Variants in CNTN4 observed in about 807,000 individuals in gnomAD.
CNTN4 encodes contactin 4, also known as contactin-4.
CNTN4 carries 77 observed loss-of-function variants against 122.5 expected under a neutral mutation model. The observed-to-expected ratio is 0.63, with a 90% CI of 0.52 to 0.76. CNTN4 has a LOEUF of 0.76. Ranked by LOEUF, CNTN4 falls within the 30% of genes least tolerant of loss-of-function variation. The probability of loss-of-function intolerance (pLI) is 0.00; values close to 1 mark genes in which losing one functional copy is unlikely to be tolerated. For missense variants in CNTN4, 1,256 were observed against 1,259.1 expected, an observed-to-expected ratio of 1.00 and a Z score of 0.04; for synonymous variants, 512 against 447.0, an observed-to-expected ratio of 1.15 and a Z score of -1.83.
chr3:2,232,884 G>A (rs995183159), intron 2 of CNTN4, among the ~76,000 whole-genome samples: 1 of 152,112 alleles, frequency 6.6e-6, no homozygotes, highest in Non-Finnish European at 1.5e-5. Context: ...ATTATGAGTG[G>A]GAAGTCATAA....
chr3:2,706,728 G>A (rs2086764232), intron 4 of CNTN4, among the ~76,000 whole-genome samples: 1 of 152,092 alleles, frequency 6.6e-6, no homozygotes, highest in African/African-American at 2.4e-5. Flanking sequence ...TAACTTTGCT[G>A]CATGTTTAAA....
At chr3:2,267,789 G>C (rs1286708292) in intron 2 of CNTN4, among the ~76,000 whole-genome samples, 1 of 151,556 alleles carries the variant, frequency 6.6e-6, no homozygotes, top group Non-Finnish European at 1.5e-5. Flanking sequence ...ACACTTTATT[G>C]GTTTTGATTC....
chr3:2,646,257 A>G (rs1349740886), intron 4 of CNTN4, among the ~76,000 whole-genome samples: 2 of 152,208 alleles, frequency 1.3e-5, no homozygotes, highest in Non-Finnish European at 2.9e-5. Flanking sequence ...TATAAACACT[A>G]TCAATCAAAA....
At chr3:2,198,814 T>C (rs1372951160) in intron 2 of CNTN4, among the ~76,000 whole-genome samples, 1 of 152,148 alleles carries the variant, frequency 6.6e-6, no homozygotes, top group Non-Finnish European at 1.5e-5. Context: ...TTGTCACAGA[T>C]CCCAAGTTCT....
At chr3:2,806,004 C>A (rs954009890) in intron 6 of CNTN4, among the ~76,000 whole-genome samples, 2 of 152,114 alleles carry the variant, frequency 1.3e-5, no homozygotes, top group African/African-American at 4.8e-5. Context: ...CGGGTTCACG[C>A]CATTCTCCTG....
At chr3:2,235,723 G>A (rs559578334) in intron 2 of CNTN4, among the ~76,000 whole-genome samples, 1 of 152,116 alleles carries the variant, frequency 6.6e-6, no homozygotes, top group African/African-American at 2.4e-5. Flanking sequence ...AGTAACAAGA[G>A]CATCTAGTAT....
At chr3:2,624,584 C>G (rs2082111112) in intron 4 of CNTN4, among the ~76,000 whole-genome samples, 1 of 147,700 alleles carries the variant, frequency 6.8e-6, no homozygotes, top group African/African-American at 2.5e-5. Flanking sequence ...ATAAAGTTTG[C>G]AATGAGATTA....
Position 2,887,050 on chromosome 3 carries a change from A to G in CNTN4, c.766A>G (p.Thr256Ala). ...ECFALGNPVP[T>A]IIWRRADGKP... Reference sequence around the variant, plus strand: ...TATTCTTGCTATCAGTCCAGTACCAACTATTATCTGGCGAAGAGCTGATGG... The same window carrying G: ...TATTCTTGCTATCAGTCCAGTACCAGCTATTATCTGGCGAAGAGCTGATGG... Residue 256 changes from threonine (T) to alanine (A), a missense_variant, in exon 10 of 25, where the codon ACT becomes GCT. By Grantham distance (58) the Thr-to-Ala change is moderately conservative. Transcript: ENST00000418658. 6.2e-7 allele frequency: 1 copy of G among 1,613,854 alleles called. No individual in the cohort carries two copies. The highest frequency in any genetic ancestry group is 1.1e-5 in the South Asian group (1 of 91,064).
chr3:2,111,238 T>C (rs1289797488), intron 2 of CNTN4, among the ~76,000 whole-genome samples: 1 of 152,234 alleles, frequency 6.6e-6, no homozygotes, highest in Non-Finnish European at 1.5e-5. Flanking sequence ...TGAGAATTCA[T>C]AGTTCTGTTA....
At chr3:2,125,874 G>A (rs1174038755) in intron 2 of CNTN4, among the ~76,000 whole-genome samples, 1 of 148,550 alleles carries the variant, frequency 6.7e-6, no homozygotes, top group African/African-American at 2.5e-5. Context: ...AGATTTATAA[G>A]TTGCTCAGTT....
intron 2 of CNTN4, among the ~76,000 whole-genome samples, chr3:2,188,445 C>A (rs1418831298): frequency 6.6e-6 from 1 of 152,140 alleles, no homozygotes; most frequent in African/African-American, 2.4e-5. Flanking sequence ...GTCAAGTTCT[C>A]CTGAGGAAGA....
At chr3:2,461,985 T>C (rs189516647) in intron 3 of CNTN4, among the ~76,000 whole-genome samples, 2 of 152,178 alleles carry the variant, frequency 1.3e-5, no homozygotes, top group South Asian at 2.1e-4. Flanking sequence ...GCATGTGCAA[T>C]GCCTGGAGAC....
chr3:2,675,234 T>A (rs1002500479), intron 4 of CNTN4, among the ~76,000 whole-genome samples: 5 of 151,904 alleles, frequency 3.3e-5, no homozygotes, highest in Non-Finnish European at 7.4e-5. Flanking sequence ...CCTCACCTTA[T>A]CTCCTTCCAT....
At chr3:2,623,638 A>G (rs561477604) in intron 4 of CNTN4, among the ~76,000 whole-genome samples, 7 of 152,334 alleles carry the variant, frequency 4.6e-5, no homozygotes, top group Non-Finnish European at 2.9e-5. Flanking sequence ...ATGATGAATC[A>G]TAAAACTGCT....
chr3:2,810,962 A>G (rs2092590823), intron 6 of CNTN4, among the ~76,000 whole-genome samples: 1 of 152,060 alleles, frequency 6.6e-6, no homozygotes, highest in South Asian at 2.1e-4. Context: ...ACTCTGAAAT[A>G]AGTGTATTAA....
intron 12 of CNTN4, among the ~76,000 whole-genome samples, chr3:2,917,313 G>A (rs528140768): frequency 6.9e-6 from 1 of 145,236 alleles, no homozygotes; most frequent in South Asian, 2.2e-4. Context: ...ACGAGGCAGA[G>A]GGGGAGATGG....
intron 4 of CNTN4, among the ~76,000 whole-genome samples, chr3:2,603,328 G>A (rs1001754010): frequency 6.6e-6 from 1 of 152,194 alleles, no homozygotes; most frequent in East Asian, 1.9e-4. Context: ...TGATTCAGAA[G>A]GTACTTTAGG....
At chr3:2,107,313 A>T (rs567278393) in intron 2 of CNTN4, among the ~76,000 whole-genome samples, 1 of 152,208 alleles carries the variant, frequency 6.6e-6, no homozygotes, top group South Asian at 2.1e-4. Context: ...TGGGTGATTT[A>T]TAAAGGAGAG....
chr3:2,657,942 G>T (rs1219322451), intron 4 of CNTN4, among the ~76,000 whole-genome samples: 2 of 150,762 alleles, frequency 1.3e-5, no homozygotes, highest in African/African-American at 4.9e-5. Flanking sequence ...TCTGACACCT[G>T]AATAGAATGT....
Sources: gnomAD v4.1 joint callset for allele counts (sites outside exome capture counted in the v4.1 genomes callset) on GRCh38, gnomAD v4.1.1 for gene constraint, MANE v1.5 for transcripts, NCBI Gene and HGNC (gene_info 2026-07-23, HGNC 2026-07-21) for gene names.